The following CAMSAP1 variants were observed in gnomAD, a reference collection of about 807,000 sequenced individuals.
The protein encoded by CAMSAP1 is calmodulin regulated spectrin associated protein 1.
Under a neutral mutation model 143.5 loss-of-function variants are expected in CAMSAP1, and 58 were observed. The ratio of observed to expected loss-of-function variants is 0.40; its 90% CI spans 0.33 to 0.50. The LOEUF (loss-of-function observed/expected upper bound fraction) is 0.50. CAMSAP1 is among the 20% of genes least tolerant of loss of function. The pLI, the probability that CAMSAP1 is intolerant of heterozygous loss-of-function variation, is 0.45. For missense variants in CAMSAP1, 1,969 were observed against 2,115.7 expected, an observed-to-expected ratio of 0.93 and a Z score of 1.36; for synonymous variants, 945 against 859.3, an observed-to-expected ratio of 1.10 and a Z score of -1.74.
intron 1 of CAMSAP1, among the ~76,000 whole-genome samples, chr9:135,899,681 T>C (rs894592564): frequency 6.6e-6 from 1 of 152,162 alleles, no homozygotes; most frequent in Non-Finnish European, 1.5e-5. Flanking sequence ...ACTACCCCCA[T>C]GAGGCCACCA....
intron 10 of CAMSAP1, among the ~76,000 whole-genome samples, chr9:135,823,590 A>C (rs1018297633): frequency 1.3e-5 from 2 of 152,238 alleles, no homozygotes; most frequent in African/African-American, 4.8e-5. Flanking sequence ...AAATTACAGT[A>C]ATTAGCCCAC....
intron 3 of CAMSAP1, among the ~76,000 whole-genome samples, chr9:135,868,586 A>C (rs1210622707): frequency 6.7e-6 from 1 of 149,078 alleles, no homozygotes; most frequent in Non-Finnish European, 1.5e-5. Context: ...TAACATGTAA[A>C]GGCTTTTCTG....
chr9:135,907,281 C>G lies in CAMSAP1; in HGVS notation c.-122G>C, dbSNP rs964958895. On this transcript the variant is annotated 5_prime_UTR_variant, in exon 1 of 17. Transcript: ENST00000389532. ...CCCGCAGCCGGCCAGCCGGGAGGGG[C>G]GCCCGAGCGCGGCCCCCGCCTCACC... The G allele has an allele frequency of 8.7e-5, 48 of 549,052 alleles. 1 individual carries two copies. In the East Asian group the frequency reaches 5.6e-3, roughly 64 times the overall value. The allele number at this position is 549,052 out of a possible 1,614,324, so 34.0% of individuals were successfully genotyped here. A position where few individuals can be genotyped will look rare whatever the true frequency, so the allele number is the denominator to read the frequency against.
In CAMSAP1 at chr9:135,822,542, C is replaced by G. The variant is rs1835513336; in HGVS notation, c.2119G>C (p.Ala707Pro). The change falls in exon 11 of 17, where the codon GCC becomes CCC. Residue 707 changes from alanine to proline, a missense_variant. Ala to Pro is a conservative substitution (Grantham distance 27). This residue lies in a region of CAMSAP1 where 1,390 missense variants were observed against 1,420.8 expected (regional missense o/e 0.98). Coordinates refer to ENST00000389532, the MANE Select transcript of CAMSAP1 (RefSeq NM_015447.4). This position sits in a 1 kb window ranked among gnomAD's most constrained non-coding sequence, Gnocchi z 6.1. Reference sequence around the variant, plus strand: ...AACCTTCCCTCGGTGTCTTCATCGGCCCTGCCTACATGAAGGAAGAAGCCA... The same window carrying G: ...AACCTTCCCTCGGTGTCTTCATCGGGCCTGCCTACATGAAGGAAGAAGCCA... The part of the protein sequence containing the change: ...TDGFFLHVGR[A>P]DEDTEGRLYV... The G allele has an allele frequency of 6.2e-6, 10 of 1,613,808 alleles. No individual in the cohort carries two copies. In the East Asian group the frequency reaches 1.8e-4, roughly 29 times the overall value.
chr9:135,883,422 T>C (rs940099501), intron 1 of CAMSAP1, among the ~76,000 whole-genome samples: 1 of 151,822 alleles, frequency 6.6e-6, no homozygotes, highest in African/African-American at 2.4e-5. Flanking sequence ...AAGGTAGACA[T>C]GGGAGCCCTG....
At chr9:135,905,449 A>G (rs1026530440) in intron 1 of CAMSAP1, among the ~76,000 whole-genome samples, 2 of 152,242 alleles carry the variant, frequency 1.3e-5, no homozygotes, top group African/African-American at 2.4e-5. Flanking sequence ...CTTAAAAAAC[A>G]TGCAGGAGTA....
Position 135,882,709 on chromosome 9 carries a change from C to T in CAMSAP1, c.423+107G>A. On this transcript the variant is annotated intron_variant, in intron 2 of 16. Coordinates refer to ENST00000389532, the MANE Select transcript of CAMSAP1 (RefSeq NM_015447.4). The surrounding 1 kb of genome is among the most constrained non-coding windows in gnomAD (Gnocchi z 4.9). ...AGTGTGCAAAAGCACGGGTCTCCAC[C>T]ACCTCGCCGCACACCGTGTTCACAC... is the stretch of plus-strand genomic sequence containing the variant. 1 of 1,348,620 alleles carries T rather than the reference C, an allele frequency of 7.4e-7. No individual in the cohort carries two copies. Among genetic ancestry groups the T allele is most frequent in the Non-Finnish European group, 9.9e-7 (1 of 1,008,912 alleles). 83.5% of individuals were successfully genotyped at this position (1,348,620 alleles called of 1,614,324 possible).
At chr9:135,852,177 T>A (rs946677590) in intron 5 of CAMSAP1, among the ~76,000 whole-genome samples, 3 of 152,236 alleles carry the variant, frequency 2.0e-5, no homozygotes, top group African/African-American at 7.2e-5. Flanking sequence ...TGCCTTGGGC[T>A]GTGCATCTTT....
At chr9:135,896,847 T>C (rs1321587542) in intron 1 of CAMSAP1, among the ~76,000 whole-genome samples, 3 of 152,096 alleles carry the variant, frequency 2.0e-5, no homozygotes, top group African/African-American at 4.8e-5. Flanking sequence ...CGGGGGTGAA[T>C]AGGTCACAAG....
chr9:135,883,184 CA>C, intron 1 of CAMSAP1, 106 bp from the exon 2 acceptor site: 1 of 1,241,336 alleles, frequency 8.1e-7, no homozygotes, highest in Non-Finnish European at 1.1e-6. Flanking sequence ...CCAGCCTGGG[CA>C]ACACAGGGAG....
rs762290394 is a variant in CAMSAP1 at position 135,818,396 on chromosome 9, G to C, written c.4168+12C>G. The C allele has an allele frequency of 6.4e-7, 1 of 1,562,168 alleles. No homozygotes were observed. The highest frequency in any genetic ancestry group is 8.6e-7 in the Non-Finnish European group (1 of 1,159,688). ...AGGAAGCGCTGCCCGCGTGAGGGCC[G>C]GGGCTGCTTACGGGTGGAGGAGCAC... On this transcript the variant is annotated intron_variant, in intron 13 of 16. Transcript: ENST00000389532. This position sits in a 1 kb window ranked among gnomAD's most constrained non-coding sequence, Gnocchi z 7.7.
chr9:135,836,076 G>GGGCA, intron 7 of CAMSAP1: 5 of 978,312 alleles, frequency 5.1e-6, no homozygotes, highest in Non-Finnish European at 6.1e-6. Flanking sequence ...ATCCGACCAG[G>GGGCA]GGCAGAAACT....
In CAMSAP1 at chr9:135,822,359, C is replaced by T; in HGVS notation, c.2302G>A (p.Glu768Lys). 6.2e-7 allele frequency: 1 copy of T among 1,614,010 alleles called. No individual in the cohort carries two copies. Among genetic ancestry groups the T allele is most frequent in the East Asian group, 2.2e-5 (1 of 44,886 alleles). The part of the protein sequence containing the change: ...PVVFSRYIGE[E>K]ESAKLQEDMK... ...TCCTCCTGCAGTTTGGCCGACTCTT[C>T]CTCCCCAATGTATCTGCTGAAAACC... The change falls in exon 11 of 17, where the codon GAA (glutamate) becomes AAA (lysine). Residue 768 changes from glutamate to lysine, a missense_variant. Coordinates refer to ENST00000389532, the MANE Select transcript of CAMSAP1 (RefSeq NM_015447.4). The surrounding 1 kb of genome is among the most constrained non-coding windows in gnomAD (Gnocchi z 6.1).
intron 3 of CAMSAP1, among the ~76,000 whole-genome samples, chr9:135,878,184 G>T (rs945973198): frequency 6.6e-6 from 1 of 152,192 alleles, no homozygotes; most frequent in African/African-American, 2.4e-5. Context: ...TAGGGACCCC[G>T]GCCAGGAGGA....
At chr9:135,870,760 A>G (rs1300178066) in intron 3 of CAMSAP1, among the ~76,000 whole-genome samples, 1 of 152,182 alleles carries the variant, frequency 6.6e-6, no homozygotes, top group African/African-American at 2.4e-5. Context: ...ACACCATGGC[A>G]CTCCAGCCTA....
intron 4 of CAMSAP1, 95 bp from the exon 5 acceptor site, chr9:135,862,703 C>T (rs1371712652): frequency 5.6e-6 from 7 of 1,251,862 alleles, no homozygotes; most frequent in East Asian, 2.5e-5. Context: ...ATTAACATAA[C>T]GCCTAACAGA....
At position 135,837,073 on chromosome 9, in the gene CAMSAP1, C is replaced by A. The variant is rs191358136; in HGVS notation, c.1046-9489G>T. The A allele has an allele frequency of 3.5e-5, 20 of 565,228 alleles. No homozygotes were observed. In the African/African-American group the frequency reaches 3.9e-4, roughly 11 times the overall value. 35.0% of individuals were successfully genotyped at this position (565,228 alleles called of 1,614,324 possible). ...CATCATCATGCCCGTTCTACAGACA[C>A]ACATCATCACGCACTTTCTACCCAT... On this transcript the variant is annotated intron_variant, in intron 7 of 16. Coordinates refer to ENST00000389532, the MANE Select transcript of CAMSAP1 (RefSeq NM_015447.4).
At position 135,866,597 on chromosome 9, in the gene CAMSAP1, C is replaced by T; in HGVS notation, c.586-61G>A. On this transcript the variant is annotated intron_variant, in intron 3 of 16. Transcript: ENST00000389532. ...GCTGTCCCGCACAATTGTATCTCCA[C>T]AATTATCCCCCAGAGACCCCCACTT... The T allele has an allele frequency of 7.5e-6, 6 of 804,462 alleles. No homozygotes were observed. In the South Asian group the frequency reaches 8.8e-5, roughly 12 times the overall value. The allele number at this position is 804,462 out of a possible 1,614,324, so 49.8% of individuals were successfully genotyped here. A position where few individuals can be genotyped will look rare whatever the true frequency, so the allele number is the denominator to read the frequency against.
chr9:135,872,848 T>C (rs1340161820), intron 3 of CAMSAP1, among the ~76,000 whole-genome samples: 1 of 152,112 alleles, frequency 6.6e-6, no homozygotes, highest in Non-Finnish European at 1.5e-5. Flanking sequence ...ACTTTGAAAA[T>C]ACACAAAGTA....
Sources: gnomAD v4.1 joint callset for allele counts (sites outside exome capture counted in the v4.1 genomes callset) on GRCh38, gnomAD v4.1.1 for gene constraint, gnomAD v4.1.1 regional missense constraint, Gnocchi (gnomAD v3.1) non-coding constraint, MANE v1.5 for transcripts, NCBI Gene and HGNC (gene_info 2026-07-23, HGNC 2026-07-21) for gene names.